Variants in SGK1 observed in about 807,000 individuals in gnomAD.
SGK1 encodes the protein serum/glucocorticoid regulated kinase 1, also known as serine/threonine-protein kinase Sgk1.
In SGK1, 26 loss-of-function variants were observed where a neutral mutation model predicts 64.2. That is an observed-to-expected ratio of 0.40 (90% CI 0.30 to 0.56). The LOEUF (loss-of-function observed/expected upper bound fraction) is 0.56. SGK1 is among the 20% of genes least tolerant of loss of function. The pLI is 0.38. For missense variants in SGK1, 519 were observed against 645.6 expected (o/e 0.80, Z 2.12); for synonymous variants, 265 against 239.7 (o/e 1.11, Z -0.98).
chr6:134,300,322 A>T (rs922356586), intron 1 of SGK1, among the ~76,000 whole-genome samples: 1 of 151,810 alleles, frequency 6.6e-6, no homozygotes, highest in African/African-American at 2.4e-5. Flanking sequence ...GCAGATCACG[A>T]GGTCAGAAGA....
At chr6:134,297,980 C>T in intron 1 of SGK1, 1 of 817,850 alleles carries the variant, frequency 1.2e-6, no homozygotes, top group Non-Finnish European at 2.2e-6. Flanking sequence ...GGCTGTTGTC[C>T]ATGGACAGCA....
chr6:134,275,823 C>T (rs1435335011), intron 1 of SGK1, among the ~76,000 whole-genome samples: 1 of 152,144 alleles, frequency 6.6e-6, no homozygotes, highest in Non-Finnish European at 1.5e-5. Context: ...ATTCCCTTGA[C>T]CAGCCTTGTC....
intron 3 of SGK1, among the ~76,000 whole-genome samples, chr6:134,203,073 G>A (rs1279319694): frequency 5.3e-5 from 8 of 151,980 alleles, no homozygotes; most frequent in Admixed American, 3.3e-4. Flanking sequence ...CTGAAACCCC[G>A]TCTCTACTAA....
At chr6:134,250,526 A>G (rs1776591499) in intron 2 of SGK1, among the ~76,000 whole-genome samples, 1 of 152,238 alleles carries the variant, frequency 6.6e-6, no homozygotes, top group Non-Finnish European at 1.5e-5. Flanking sequence ...TATCCTGAAC[A>G]CTATGGACAA....
chr6:134,292,557 C>T (rs1252746735), intron 1 of SGK1, among the ~76,000 whole-genome samples: 6 of 151,936 alleles, frequency 3.9e-5, no homozygotes, highest in Non-Finnish European at 8.8e-5. Flanking sequence ...TGCGCCACTG[C>T]ACTCCAGCCT....
intron 2 of SGK1, among the ~76,000 whole-genome samples, chr6:134,256,652 T>C (rs1776688721): frequency 6.6e-6 from 1 of 152,188 alleles, no homozygotes; most frequent in Non-Finnish European, 1.5e-5. Context: ...GCCTATAAGT[T>C]AGTTTCAGGC....
Position 134,171,735 on chromosome 6 carries a change from G to A in SGK1, c.1072-3C>T, listed in dbSNP as rs759245249. The A allele has an allele frequency of 2.5e-6, 4 of 1,599,632 alleles. No homozygotes were observed. The highest frequency in any genetic ancestry group is 2.2e-5 in the East Asian group (1 of 44,812). ...TGAAGCACCTCAGGTGCGAGATACT[G>A]AAAAACAGACCAGGGAAACAGCGTT... On this transcript the variant is annotated splice_region_variant and splice_polypyrimidine_tract_variant and intron_variant, in intron 10 of 13. Transcript: ENST00000367858.
chr6:134,224,266 A>G (rs756027060), intron 2 of SGK1, among the ~76,000 whole-genome samples: 1 of 152,206 alleles, frequency 6.6e-6, no homozygotes, highest in Non-Finnish European at 1.5e-5. Context: ...TTTATCCAAC[A>G]TCTCTTTGGT....
chr6:134,290,595 G>A (rs193159469), intron 1 of SGK1, among the ~76,000 whole-genome samples: 117 of 152,124 alleles, frequency 7.7e-4, no homozygotes, highest in Non-Finnish European at 8.7e-4. Context: ...TCACAGTGAA[G>A]GACCCGTAGA....
intron 3 of SGK1, among the ~76,000 whole-genome samples, chr6:134,203,222 AAC>A (rs1257496769): frequency 6.6e-6 from 1 of 152,222 alleles, no homozygotes; most frequent in Admixed American, 6.5e-5. Flanking sequence ...CAGCCTGGGC[AAC>A]AGAGTGAGAC....
chr6:134,290,175 T>G (rs1273911296), intron 1 of SGK1, among the ~76,000 whole-genome samples: 1 of 122,842 alleles, frequency 8.1e-6, no homozygotes, highest in Admixed American at 8.3e-5. Context: ...AAAAAAAAAA[T>G]TAGCTATGCA....
chr6:134,210,811 C>CA (rs60820086), intron 2 of SGK1, among the ~76,000 whole-genome samples: 1,765 of 49,470 alleles, frequency 0.036, 37 homozygotes, highest in African/African-American at 0.064. Flanking sequence ...GACTCCGTCT[C>CA]AAAAAAAAAA....
intron 2 of SGK1, among the ~76,000 whole-genome samples, chr6:134,257,799 T>A (rs1174168880): frequency 6.6e-6 from 1 of 152,214 alleles, no homozygotes; most frequent in Admixed American, 6.5e-5. Context: ...AAAGAGTTTT[T>A]AAAATACAAT....
chr6:134,185,102 A>G (rs879473167), intron 3 of SGK1, among the ~76,000 whole-genome samples: 17 of 152,342 alleles, frequency 1.1e-4, no homozygotes, highest in African/African-American at 4.1e-4. Flanking sequence ...AACCCCCTCT[A>G]TGGACGATAT....
rs143790965 is a variant in SGK1 at position 134,272,078 on chromosome 6, G to A, written c.70-9930C>T. Among the ~76,000 whole-genome samples, 890 of 145,276 alleles carry A rather than the reference G, an allele frequency of 6.1e-3. 36 individuals are homozygous for A. Among genetic ancestry groups the A allele is most frequent in the African/African-American group, 0.02 (823 of 40,448 alleles). ...GCTGGTCTCGAACTCCTGACCTCAGGCAATCTGCCTGCCTCGACCTCCCAA... is the reference window on the plus strand; with the variant it reads ...GCTGGTCTCGAACTCCTGACCTCAGACAATCTGCCTGCCTCGACCTCCCAA... On this transcript the variant is annotated intron_variant, in intron 1 of 13. Coordinates refer to ENST00000367858, the MANE Select transcript of SGK1 (RefSeq NM_001143676.3).
intron 1 of SGK1, among the ~76,000 whole-genome samples, chr6:134,304,150 T>TA (rs1777499906): frequency 6.6e-6 from 1 of 152,176 alleles, no homozygotes; most frequent in African/African-American, 2.4e-5. Flanking sequence ...TTCTCGGACT[T>TA]TCTGGCTCAG....
chr6:134,256,605 C>G (rs1385240382), intron 2 of SGK1, among the ~76,000 whole-genome samples: 2 of 152,070 alleles, frequency 1.3e-5, no homozygotes, highest in Non-Finnish European at 2.9e-5. Context: ...CAGCATACAC[C>G]TCTCGAAAAA....
In SGK1 at chr6:134,260,374, A is replaced by ACCCG. The variant is rs771154947; in HGVS notation, c.285+1558_285+1559insCGGG. ...CCCTGTCTCCCTGTCCCCGACCCCC[A>ACCCG]CCCCCCCCAAAAAAAGGGCCGGCGT... is the stretch of plus-strand genomic sequence containing the variant. On this transcript the variant is annotated intron_variant, in intron 2 of 13. Transcript: ENST00000367858. The ACCCG allele has an allele frequency of 1.8e-5, 2 of 113,164 alleles. 1 individual carries two copies. The highest frequency in any genetic ancestry group is 6.6e-5 in the African/African-American group (2 of 30,330). The allele number at this position is 113,164 out of a possible 1,614,324, so 7.0% of individuals were successfully genotyped here.
intron 1 of SGK1, among the ~76,000 whole-genome samples, chr6:134,314,792 G>T (rs1367804784): frequency 4.3e-5 from 6 of 138,874 alleles, no homozygotes; most frequent in South Asian, 2.3e-4. Flanking sequence ...AGACCCTATG[G>T]TTTTTTTTTT....
Sources: gnomAD v4.1 joint callset for allele counts (sites outside exome capture counted in the v4.1 genomes callset) on GRCh38, gnomAD v4.1.1 for gene constraint, MANE v1.5 for transcripts, NCBI Gene and HGNC (gene_info 2026-07-23, HGNC 2026-07-21) for gene names.